The following LIMD1 variants were observed in gnomAD, a reference collection of about 807,000 sequenced individuals.
LIMD1 encodes the protein LIM domain-containing protein 1.
In LIMD1, 23 loss-of-function variants were observed where a neutral mutation model predicts 58.4. That is an observed-to-expected ratio of 0.39 (90% confidence interval 0.28 to 0.56). The LOEUF (loss-of-function observed/expected upper bound fraction) is 0.56, where lower values mean the gene tolerates loss of function less well. Among genes scored for constraint, LIMD1 ranks in the 20% least tolerant of loss-of-function variants. The probability of loss-of-function intolerance (pLI) is 0.57; values close to 1 mark genes in which losing one functional copy is unlikely to be tolerated. For synonymous variants in LIMD1, 334 were observed against 345.5 expected (o/e 0.97, Z 0.37); for missense variants, 838 against 855.5 (o/e 0.98, Z 0.25).
intron 2 of LIMD1, among the ~76,000 whole-genome samples, chr3:45,652,426 C>T (rs1392899430): frequency 6.6e-6 from 1 of 152,108 alleles, no homozygotes; most frequent in Non-Finnish European, 1.5e-5. Flanking sequence ...TATTCTCTTC[C>T]CTGTGGGTTG....
At chr3:45,670,665 T>G (rs535561635) in intron 4 of LIMD1, among the ~76,000 whole-genome samples, 2 of 152,336 alleles carry the variant, frequency 1.3e-5, no homozygotes, top group South Asian at 4.1e-4. Flanking sequence ...CTCAGAACAT[T>G]GTTTCTTCTG....
intron 1 of LIMD1, among the ~76,000 whole-genome samples, chr3:45,626,530 G>A (rs372510820): frequency 6.6e-6 from 1 of 152,206 alleles, no homozygotes; most frequent in South Asian, 2.1e-4. Context: ...TCTGGAAAAG[G>A]CAAAACTTTG....
intron 4 of LIMD1, among the ~76,000 whole-genome samples, chr3:45,670,391 T>C (rs1480834434): frequency 6.6e-6 from 1 of 150,378 alleles, no homozygotes; most frequent in Non-Finnish European, 1.5e-5. Flanking sequence ...TTCTTATTTA[T>C]CATCATGCTT....
At chr3:45,608,839 C>CAAAAAAAAA (rs60750700) in intron 1 of LIMD1, among the ~76,000 whole-genome samples, 1 of 102,980 alleles carries the variant, frequency 9.7e-6, no homozygotes, top group East Asian at 3.0e-4. Context: ...GACTCGGTAT[C>CAAAAAAAAA]AAAAAAAAAA....
intron 4 of LIMD1, among the ~76,000 whole-genome samples, chr3:45,669,753 G>T (rs1350464557): frequency 6.6e-6 from 1 of 152,126 alleles, no homozygotes; most frequent in African/African-American, 2.4e-5. Flanking sequence ...GTAGTTTATT[G>T]ATTTGTATTG....
chr3:45,622,213 C>G (rs891032471), intron 1 of LIMD1, among the ~76,000 whole-genome samples: 1 of 152,180 alleles, frequency 6.6e-6, no homozygotes, highest in Admixed American at 6.5e-5. Flanking sequence ...CTCCGCTGTC[C>G]TCCAGCCCTG....
At chr3:45,663,209 C>G (rs979398072) in intron 2 of LIMD1, among the ~76,000 whole-genome samples, 2 of 152,220 alleles carry the variant, frequency 1.3e-5, no homozygotes, top group Non-Finnish European at 2.9e-5. Flanking sequence ...TATCAATTCT[C>G]ATATCTAGTG....
At chr3:45,676,827 C>A in intron 7 of LIMD1, 95 bp from the exon 8 acceptor site, 2 of 1,225,990 alleles carry the variant, frequency 1.6e-6, no homozygotes, top group Non-Finnish European at 2.4e-6. Context: ...CAGAAACACA[C>A]AGCACCCTCT....
In LIMD1 at chr3:45,595,959, A is replaced by G; in HGVS notation, c.1080A>G (p.Ser360=). ...PSSSPAGLDG[S]QQGAVPGLGP... is the part of the protein sequence containing the mutation. ...CCTCGCCAGCTGGTCTGGACGGTTC[A>G]CAGCAGGGTGCGGTCCCTGGGCTGG... is the stretch of plus-strand genomic sequence containing the variant. The change falls in exon 1 of 8, where the codon TCA becomes TCG. Residue 360 remains serine, a synonymous_variant. Transcript: ENST00000273317. The G allele has an allele frequency of 4.3e-6, 7 of 1,614,148 alleles. No individual in the cohort carries two copies. The highest frequency in any genetic ancestry group is 5.9e-6 in the Non-Finnish European group (7 of 1,180,022).
At chr3:45,641,406 T>C (rs1160476475) in intron 2 of LIMD1, among the ~76,000 whole-genome samples, 1 of 152,014 alleles carries the variant, frequency 6.6e-6, no homozygotes, top group Non-Finnish European at 1.5e-5. Flanking sequence ...CTGAACATAC[T>C]TGTATATGTA....
intron 2 of LIMD1, among the ~76,000 whole-genome samples, chr3:45,641,605 A>G (rs1017554707): frequency 2.0e-5 from 3 of 151,796 alleles, no homozygotes; most frequent in Non-Finnish European, 4.4e-5. Flanking sequence ...TTGATACTGC[A>G]TTAAACCATG....
chr3:45,647,813 C>G (rs951031006), intron 2 of LIMD1, among the ~76,000 whole-genome samples: 19 of 152,160 alleles, frequency 1.2e-4, no homozygotes, highest in African/African-American at 3.6e-4. Context: ...TTCTTTCTAA[C>G]TATCCCCCTC....
At chr3:45,667,077 C>A (rs1297506373) in intron 3 of LIMD1, among the ~76,000 whole-genome samples, 1 of 152,226 alleles carries the variant, frequency 6.6e-6, no homozygotes, top group Non-Finnish European at 1.5e-5. Context: ...TAGCTTCAGT[C>A]TCAGGTCCTA....
chr3:45,652,723 C>T (rs1033427683), intron 2 of LIMD1, among the ~76,000 whole-genome samples: 2 of 152,176 alleles, frequency 1.3e-5, no homozygotes, highest in African/African-American at 2.4e-5. Flanking sequence ...ACTGTTCTTG[C>T]GAATCCTGCA....
At chr3:45,644,184 G>C (rs1252600747) in intron 2 of LIMD1, among the ~76,000 whole-genome samples, 18 of 152,210 alleles carry the variant, frequency 1.2e-4, no homozygotes, top group Admixed American at 1.2e-3. Context: ...GTGGAACAGA[G>C]GTTCTTAGCG....
intron 2 of LIMD1, among the ~76,000 whole-genome samples, chr3:45,649,184 A>G (rs1232233680): frequency 6.6e-6 from 1 of 152,152 alleles, no homozygotes; most frequent in Non-Finnish European, 1.5e-5. Flanking sequence ...AACTAATAAG[A>G]AAAAAGTCTC....
chr3:45,601,320 C>T (rs539041647), intron 1 of LIMD1, among the ~76,000 whole-genome samples: 3 of 152,196 alleles, frequency 2.0e-5, no homozygotes, highest in Non-Finnish European at 4.4e-5. Flanking sequence ...ATGGCCTGGC[C>T]TTCACACTCC....
In LIMD1 at chr3:45,594,821, ACACACACACACACACACACACACG is replaced by A. The variant is rs1701322380; in HGVS notation, c.-58_-35del. ...CACACACACACACACACACACACAC[ACACACACACACACACACACACACG>A]GCACCTGGGCTAGGCCCGGACACCT... On this transcript the variant is annotated 5_prime_UTR_variant, in exon 1 of 8. Coordinates refer to ENST00000273317, the MANE Select transcript of LIMD1 (RefSeq NM_014240.3). 6 of 709,146 alleles carry A rather than the reference ACACACACACACACACACACACACG, an allele frequency of 8.5e-6. No homozygotes were observed. The highest frequency in any genetic ancestry group is 4.4e-5 in the African/African-American group (2 of 45,368). The allele number at this position is 709,146 out of a possible 1,614,324, so 43.9% of individuals were successfully genotyped here.
chr3:45,650,919 T>C (rs1701964727), intron 2 of LIMD1, among the ~76,000 whole-genome samples: 1 of 151,886 alleles, frequency 6.6e-6, no homozygotes, highest in Non-Finnish European at 1.5e-5. Flanking sequence ...CCACGCTGTC[T>C]TCCACAATGG....
Sources: gnomAD v4.1 joint callset for allele counts (sites outside exome capture counted in the v4.1 genomes callset) on GRCh38, gnomAD v4.1.1 for gene constraint, MANE v1.5 for transcripts, NCBI Gene and HGNC (gene_info 2026-07-23, HGNC 2026-07-21) for gene names.